FAM13C: variants seen among roughly 807,000 people sequenced by gnomAD.
FAM13C encodes the protein protein FAM13C.
In FAM13C, 37 loss-of-function variants were observed where a neutral mutation model predicts 73.2. The ratio of observed to expected loss-of-function variants is 0.51; its 90% CI spans 0.39 to 0.67. The LOEUF is 0.67. FAM13C is among the 30% of genes least tolerant of loss of function. The pLI, the probability that FAM13C is intolerant of heterozygous loss-of-function variation, is 0.00. For missense variants in FAM13C, 589 were observed against 715.6 expected (o/e 0.82, Z 2.02); for synonymous variants, 246 against 260.9 (o/e 0.94, Z 0.55).
rs1386308977 is a variant in FAM13C, at chr10:59,281,116, C to T, written c.592+2247G>A. Among the ~76,000 whole-genome samples the T allele has an allele frequency of 2.6e-5, 4 of 152,228 alleles. No homozygotes were observed. In the South Asian group the frequency reaches 6.2e-4, roughly 24 times the overall value. On this transcript the variant is annotated intron_variant, in intron 6 of 13. Transcript: ENST00000618804. ...ATGCTAGATGTTAAGAAAGAGAAAA[C>T]TGTTTATAAGTTACTATAATCTTTT...
intron 1 of FAM13C, among the ~76,000 whole-genome samples, chr10:59,356,424 G>A (rs74150876): frequency 5.0e-4 from 76 of 152,090 alleles, no homozygotes; most frequent in African/African-American, 1.6e-3. Flanking sequence ...TAAAACTTCC[G>A]GATTAACTTT....
chr10:59,316,581 A>C (rs1849556625), intron 4 of FAM13C, among the ~76,000 whole-genome samples: 1 of 152,194 alleles, frequency 6.6e-6, no homozygotes, highest in Non-Finnish European at 1.5e-5. Context: ...TAGATGGTAT[A>C]GCCCACTACA....
At chr10:59,281,854 A>G (rs1026540) in intron 6 of FAM13C, among the ~76,000 whole-genome samples, 1 of 152,118 alleles carries the variant, frequency 6.6e-6, no homozygotes, top group Non-Finnish European at 1.5e-5. Context: ...AGAAACTTGT[A>G]TAGTTAATCC....
intron 3 of FAM13C, among the ~76,000 whole-genome samples, chr10:59,341,002 G>A (rs1853429630): frequency 6.6e-6 from 1 of 152,086 alleles, no homozygotes; most frequent in Non-Finnish European, 1.5e-5. Context: ...GTAAGCAACA[G>A]GGAGGAAAAA....
rs183302313 is a variant in FAM13C, at chr10:59,314,960, A to C, written c.443+9028T>G. ...AGTGACCTAAACCACAAAGGCTGTA[A>C]GTGTCACTGAAAATTCATTTTAAGT... On this transcript the variant is annotated intron_variant, in intron 4 of 13. Transcript: ENST00000618804. 2.6e-5 allele frequency among the ~76,000 whole-genome samples: 4 copies of C among 152,316 alleles called. No homozygotes were observed. In the East Asian group the frequency reaches 7.7e-4, roughly 29 times the overall value.
At chr10:59,323,909 G>T in intron 4 of FAM13C, 79 bp downstream of exon 4, 1 of 1,201,196 alleles carries the variant, frequency 8.3e-7, no homozygotes. Flanking sequence ...CTTGCCTCTT[G>T]TGTGGGAGTG....
At chr10:59,261,216 G>C (rs568836251) in intron 10 of FAM13C, among the ~76,000 whole-genome samples, 122 of 152,156 alleles carry the variant, frequency 8.0e-4, no homozygotes, top group Middle Eastern at 3.4e-3. Flanking sequence ...GTAGGCTTAG[G>C]GATAGGATGG....
intron 6 of FAM13C, among the ~76,000 whole-genome samples, chr10:59,281,090 A>G (rs1346086388): frequency 6.6e-6 from 1 of 152,222 alleles, no homozygotes; most frequent in Non-Finnish European, 1.5e-5. Flanking sequence ...GCTCAGAGAT[A>G]ATGCTAGATG....
intron 8 of FAM13C, 36 bp downstream of exon 8, chr10:59,268,517 C>A (rs369407554): frequency 7.5e-6 from 12 of 1,609,950 alleles, no homozygotes; most frequent in Admixed American, 5.0e-5. Flanking sequence ...ACACCTCTGA[C>A]CAATCCGCTC....
chr10:59,302,924 T>G (rs1847769346), intron 4 of FAM13C, 60 bp from the exon 5 acceptor site: 2 of 1,488,666 alleles, frequency 1.3e-6, no homozygotes, highest in African/African-American at 1.4e-5. Flanking sequence ...GATGTACATG[T>G]GAAGCTGGTG....
intron 5 of FAM13C, among the ~76,000 whole-genome samples, chr10:59,289,494 A>G (rs149155625): frequency 6.6e-6 from 1 of 152,336 alleles, no homozygotes; most frequent in Non-Finnish European, 1.5e-5. Flanking sequence ...GATGCCACAC[A>G]TCCAGCTCCA....
intron 5 of FAM13C, among the ~76,000 whole-genome samples, chr10:59,285,766 T>A (rs534000601): frequency 6.6e-6 from 1 of 152,274 alleles, no homozygotes; most frequent in East Asian, 1.9e-4. Context: ...AGACAGCCCC[T>A]TTAAAGAGGC....
chr10:59,362,680 C>T, upstream of FAM13C: 5 of 1,081,030 alleles, frequency 4.6e-6, no homozygotes, highest in Admixed American at 3.3e-5. Flanking sequence ...GGGGACAGAG[C>T]TGGGCGGGGC....
chr10:59,286,469 T>G (rs1845559342), intron 5 of FAM13C, among the ~76,000 whole-genome samples: 1 of 147,800 alleles, frequency 6.8e-6, no homozygotes, highest in African/African-American at 2.5e-5. Flanking sequence ...GAGCTGAGAT[T>G]GTACCACTGC....
chr10:59,272,020 C>T (rs184209094), intron 6 of FAM13C, among the ~76,000 whole-genome samples: 18 of 152,268 alleles, frequency 1.2e-4, no homozygotes, highest in Non-Finnish European at 2.2e-4. Flanking sequence ...GACTGTGAAG[C>T]AGTGCCAGGG....
At chr10:59,265,326 G>GCGGC (rs1422559664) in intron 8 of FAM13C, among the ~76,000 whole-genome samples, 1 of 49,000 alleles carries the variant, frequency 2.0e-5, no homozygotes, top group Non-Finnish European at 4.5e-5. Flanking sequence ...TTTTGGCGGG[G>GCGGC]GGGGGGGGGA....
intron 6 of FAM13C, among the ~76,000 whole-genome samples, chr10:59,275,867 G>A (rs182572688): frequency 6.6e-6 from 1 of 152,278 alleles, no homozygotes; most frequent in East Asian, 1.9e-4. Context: ...TAACTACCTG[G>A]CAGTTTGGGC....
In FAM13C at chr10:59,262,681, G is replaced by T. The variant is rs770488077; in HGVS notation, c.1025-36C>A. 6 of 1,550,636 alleles carry T rather than the reference G, an allele frequency of 3.9e-6. No individual in the cohort carries two copies. In the Admixed American group the frequency reaches 6.9e-5, roughly 18 times the overall value. ...TGCTATGAGTTATCATAAGCAAAGA[G>T]AACCCACTAGTTCTAAGAATGGAGA... On this transcript the variant is annotated intron_variant, in intron 9 of 13. Coordinates refer to ENST00000618804, the MANE Select transcript of FAM13C (RefSeq NM_198215.4).
At chr10:59,263,828 A>G in intron 9 of FAM13C, 1 of 466,002 alleles carries the variant, frequency 2.1e-6, no homozygotes, top group Non-Finnish European at 3.9e-6. Flanking sequence ...CACATGTTGA[A>G]ATGTTCCTGG....
Sources: gnomAD v4.1 joint callset for allele counts (sites outside exome capture counted in the v4.1 genomes callset) on GRCh38, gnomAD v4.1.1 for gene constraint, MANE v1.5 for transcripts, NCBI Gene and HGNC (gene_info 2026-07-23, HGNC 2026-07-21) for gene names.